Variants in CDH16 observed in about 807,000 individuals in gnomAD.
The protein encoded by CDH16 is cadherin 16.
In CDH16, 79 loss-of-function variants were observed where a neutral mutation model predicts 87.6. The ratio of observed to expected loss-of-function variants is 0.90; its 90% CI spans 0.75 to 1.09. The LOEUF (loss-of-function observed/expected upper bound fraction) is 1.09, where lower values mean the gene tolerates loss of function less well. Ranked by LOEUF, CDH16 falls within the 50% of genes least tolerant of loss-of-function variation. The pLI, the probability that CDH16 is intolerant of heterozygous loss-of-function variation, is 0.00. For synonymous variants in CDH16, 457 were observed against 439.5 expected (o/e 1.04, Z -0.50); for missense variants, 1,124 against 1,071.7 (o/e 1.05, Z -0.68).
Position 66,916,502 on chromosome 16 carries a change from TC to T in CDH16, c.130-74del. 1.4e-6 allele frequency: 2 copies of T among 1,468,286 alleles called. No homozygotes were observed. The highest frequency in any genetic ancestry group is 1.8e-6 in the Non-Finnish European group (2 of 1,103,386). 91.0% of individuals were successfully genotyped at this position (1,468,286 alleles called of 1,614,324 possible). Reference sequence around the variant, plus strand: ...GATGCCCCTCCTCCACCTGATGGCCTCATTTTACATGTGGGGAAACTGAGTC... The same window carrying T: ...GATGCCCCTCCTCCACCTGATGGCCTATTTTACATGTGGGGAAACTGAGTC... On this transcript the variant is annotated intron_variant, in intron 3 of 17. Transcript: ENST00000299752. The surrounding 1 kb of genome is among the most constrained non-coding windows in gnomAD (Gnocchi z 4.1).
chr16:66,911,188 C>A lies in CDH16; in HGVS notation c.1918G>T (p.Asp640Tyr). Residue 640 changes from aspartate to tyrosine, a missense_variant, in exon 14 of 18, where the codon GAT becomes TAT. Asp to Tyr is a radical substitution (Grantham distance 160). Transcript: ENST00000299752. ...CATCACTGCCTGGCCATACCTGTAT[C>A]CTGGGCCTCCACAAGCACCGTGTAG... Reference protein sequence around the residue: ...DTYTVLVEAQDTDEPRLSASA... With the variant: ...DTYTVLVEAQYTDEPRLSASA... 1.2e-6 allele frequency: 2 copies of A among 1,612,414 alleles called. No homozygotes were observed. Among genetic ancestry groups the A allele is most frequent in the South Asian group, 1.1e-5 (1 of 90,812 alleles).
At chr16:66,910,731 T>A (rs1962376600) in intron 14 of CDH16, 1 of 462,026 alleles carries the variant, frequency 2.2e-6, no homozygotes, top group Non-Finnish European at 3.6e-6. Context: ...CAGCTCAGAG[T>A]TGAAACCTGC....
At chr16:66,918,630 T>G (rs1962796102) in intron 1 of CDH16, among the ~76,000 whole-genome samples, 174 bp downstream of exon 1, 1 of 152,134 alleles carries the variant, frequency 6.6e-6, no homozygotes, top group South Asian at 2.1e-4. Context: ...GTCTCATCAT[T>G]TTCCAGCCCT....
Position 66,909,345 on chromosome 16 carries a change from G to A in CDH16, c.2314C>T (p.Arg772Cys), listed in dbSNP as rs781254169. Residue 772 changes from arginine (R) to cysteine (C), a missense_variant, in exon 17 of 18, where the codon CGC becomes TGC. By Grantham distance (180) the Arg-to-Cys change is radical. Coordinates refer to ENST00000299752, the MANE Select transcript of CDH16 (RefSeq NM_004062.4). This position sits in a 1 kb window ranked among gnomAD's most constrained non-coding sequence, Gnocchi z 4.1. ...CRCNVEGQCM[R>C]KVGRMKGMPT... is the part of the protein sequence containing the mutation. ...ATGCCCTTCATGCGGCCCACCTTGC[G>A]CATGCACTGCCCCTCCACGTTGCAG... 27 of 1,600,898 alleles carry A rather than the reference G, an allele frequency of 1.7e-5. No homozygotes were observed. The highest frequency in any genetic ancestry group is 1.6e-4 in the South Asian group (15 of 90,930).
chr16:66,911,822 C>T, intron 13 of CDH16, 77 bp downstream of exon 13: 3 of 1,472,918 alleles, frequency 2.0e-6, no homozygotes, highest in South Asian at 1.4e-5. Flanking sequence ...TAATGTGAGT[C>T]CCCTCTGAGG....
Position 66,912,784 on chromosome 16 carries a change from C to T in CDH16, c.1162G>A (p.Gly388Arg). Residue 388 changes from glycine (G) to arginine (R), a missense_variant, in exon 10 of 18, where the codon GGG (glycine) becomes AGG (arginine). Physicochemically the swap from Gly to Arg is moderately radical, Grantham distance 125. Transcript: ENST00000299752. ...GTGGGGTCCACCTGGAAGGCTCTCC[C>T]CTCTACCCCATCCTCAGGCTCAGGG... ...LSPEPEDGVE[G>R]RAFQVDPTSG... 6.2e-7 allele frequency: 1 copy of T among 1,613,724 alleles called. No homozygotes were observed. Among genetic ancestry groups the T allele is most frequent in the Non-Finnish European group, 8.5e-7 (1 of 1,180,014 alleles).
chr16:66,913,386 T>C (rs1183243795), intron 8 of CDH16, 105 bp from the exon 9 acceptor site: 6 of 1,571,076 alleles, frequency 3.8e-6, no homozygotes, highest in Non-Finnish European at 5.2e-6. Context: ...TTCGGGGCTC[T>C]TTCCCACTGC....
In CDH16 at chr16:66,908,344, TCAGATGGAGCCAGAGGCCAAGCTCC is replaced by T; in HGVS notation, c.*23_*47del. 2 of 1,490,920 alleles carry T rather than the reference TCAGATGGAGCCAGAGGCCAAGCTCC, an allele frequency of 1.3e-6. No individual in the cohort carries two copies. Among genetic ancestry groups the T allele is most frequent in the Non-Finnish European group, 1.9e-6 (2 of 1,071,216 alleles). 92.4% of individuals were successfully genotyped at this position (1,490,920 alleles called of 1,614,324 possible). ...GGTGCTGGGCTCTCTCCCAGGGGAC[TCAGATGGAGCCAGAGGCCAAGCTCC>T]CAGCTAGAGCTGCCTGGGCCATTCA... On this transcript the variant is annotated 3_prime_UTR_variant, in exon 18 of 18. Transcript: ENST00000299752.
intron 6 of CDH16, among the ~76,000 whole-genome samples, 182 bp downstream of exon 6, chr16:66,915,038 C>A (rs1421696507): frequency 6.6e-6 from 1 of 152,140 alleles, no homozygotes; most frequent in South Asian, 2.1e-4. Context: ...CACACCATTT[C>A]CTAGCTCTCC....
rs769137629 is a variant in CDH16 at position 66,913,558 on chromosome 16, G to A, written c.836C>T (p.Pro279Leu). ...GTTTCCCTCTGCATTCACTTCAAAG[G>A]GTCCCGGGGGATGGCTCTCCAGGTG... The part of the protein sequence containing the change: ...HYHLESHPPG[P>L]FEVNAEGNLY... Residue 279 changes from proline to leucine, a missense_variant, in exon 8 of 18, where the codon CCC becomes CTC. Physicochemically the swap from Pro to Leu is moderately conservative, Grantham distance 98. Coordinates refer to ENST00000299752, the MANE Select transcript of CDH16 (RefSeq NM_004062.4). The A allele has an allele frequency of 1.1e-5, 17 of 1,613,960 alleles. No homozygotes were observed. The East Asian group carries it at 3.6e-4, about 34-fold the overall frequency.
rs1195627827 is a variant in CDH16, at chr16:66,913,199, T to C, written c.986A>G (p.Glu329Gly). The stretch of plus-strand genomic sequence containing the variant: ...AGGGCAGATAGGCACGTTGTCATTC[T>C]CATCCATCACCAGCACGTGCAGCTC... ...PLELHVLVMD[E>G]NDNVPICPPR... The change falls in exon 9 of 18, where the codon GAG becomes GGG. Residue 329 changes from glutamate to glycine, a missense_variant. Glu to Gly is a moderately conservative substitution (Grantham distance 98, BLOSUM62 -2). Transcript: ENST00000299752. 1.9e-6 allele frequency: 3 copies of C among 1,602,892 alleles called. No individual in the cohort carries two copies. The Admixed American group carries it at 5.1e-5, about 28-fold the overall frequency.
chr16:66,911,906 T>C lies in CDH16; in HGVS notation c.1783A>G (p.Thr595Ala), dbSNP rs1365210187. 3.1e-6 allele frequency: 5 copies of C among 1,596,630 alleles called. No homozygotes were observed. The highest frequency in any genetic ancestry group is 3.4e-4 in the Middle Eastern group (2 of 5,962). ...TIQPSDPISR[T>A]LRFSLVNDSE... ...GCTGGGATTTTAGCTCACCTGAGGG[T>C]TCGGCTGATGGGGTCGGAGGGCTGG... is the stretch of plus-strand genomic sequence containing the variant. The change falls in exon 13 of 18, where the codon ACC becomes GCC. Residue 595 changes from threonine (T) to alanine (A), a missense_variant. Transcript: ENST00000299752.
chr16:66,911,880 G>A lies in CDH16; in HGVS notation c.1790+19C>T. ...CAGGGGCAATCCAGTCCAGGTAAGG[G>A]GCTGGGATTTTAGCTCACCTGAGGG... On this transcript the variant is annotated intron_variant, in intron 13 of 17. Coordinates refer to ENST00000299752, the MANE Select transcript of CDH16 (RefSeq NM_004062.4). 3 of 1,572,658 alleles carry A rather than the reference G, an allele frequency of 1.9e-6. No homozygotes were observed. Among genetic ancestry groups the A allele is most frequent in the Non-Finnish European group, 1.7e-6 (2 of 1,155,250 alleles).
Position 66,909,870 on chromosome 16 carries a change from G to T in CDH16, c.2275+116C>A. On this transcript the variant is annotated intron_variant, in intron 16 of 17. Coordinates refer to ENST00000299752, the MANE Select transcript of CDH16 (RefSeq NM_004062.4). The surrounding 1 kb of genome is among the most constrained non-coding windows in gnomAD (Gnocchi z 4.1). Reference sequence around the variant, plus strand: ...TGTGCCCAGCCATAGGTGTGCAAGTGTGCACAGGCATGTGCTGTCCACATG... The same window carrying T: ...TGTGCCCAGCCATAGGTGTGCAAGTTTGCACAGGCATGTGCTGTCCACATG... 4.1e-6 allele frequency: 3 copies of T among 735,156 alleles called. No homozygotes were observed. Among genetic ancestry groups the T allele is most frequent in the Non-Finnish European group, 7.0e-6 (3 of 431,124 alleles). The allele number at this position is 735,156 out of a possible 1,614,324, so 45.5% of individuals were successfully genotyped here.
rs1962696690 is a variant in CDH16 at position 66,916,627 on chromosome 16, A to T, written c.130-198T>A. On this transcript the variant is annotated intron_variant, in intron 3 of 17. Coordinates refer to ENST00000299752, the MANE Select transcript of CDH16 (RefSeq NM_004062.4). The surrounding 1 kb of genome is among the most constrained non-coding windows in gnomAD (Gnocchi z 4.1). ...TTTTCCCTGGACCTGATGCTCCCCAAAACTCTCTGCCCTTCTTTCTGAAGC... is the reference window on the plus strand; with the variant it reads ...TTTTCCCTGGACCTGATGCTCCCCATAACTCTCTGCCCTTCTTTCTGAAGC... Among the ~76,000 whole-genome samples, 1 of 152,118 alleles carries T rather than the reference A, an allele frequency of 6.6e-6. No homozygotes were observed. Among genetic ancestry groups the T allele is most frequent in the Admixed American group, 6.5e-5 (1 of 15,278 alleles).
Position 66,913,151 on chromosome 16 carries a change from A to C in CDH16, c.1034T>G (p.Ile345Ser). The C allele has an allele frequency of 1.9e-6, 3 of 1,609,810 alleles. No homozygotes were observed. Among genetic ancestry groups the C allele is most frequent in the Non-Finnish European group, 2.5e-6 (3 of 1,178,154 alleles). ...ICPPRDPTVS[I>S]PELSPPGTEV... ...CTCACCTGGTGGACTGAGCTCAGGG[A>C]TGCTGACTGTGGGGTCACGGGGAGG... The change falls in exon 9 of 18, where the codon ATC (isoleucine) becomes AGC (serine). Residue 345 changes from isoleucine (I) to serine (S), a missense_variant. By Grantham distance (142) the Ile-to-Ser change is moderately radical. Coordinates refer to ENST00000299752, the MANE Select transcript of CDH16 (RefSeq NM_004062.4).
Position 66,910,093 on chromosome 16 carries a change from C to T in CDH16, c.2168G>A (p.Gly723Asp), listed in dbSNP as rs142206322. ...GGCCAAGGTGAGGTAGGCATGGGAA[C>T]CTTTTGGGACAGCAGGCAAAGACCA... ...QRDWRLQTLN[G>D]SHAYLTLALH... Residue 723 changes from glycine to aspartate, a missense_variant and splice_region_variant, in exon 16 of 18, where the codon GGT becomes GAT. Transcript: ENST00000299752. 2.5e-6 allele frequency: 4 copies of T among 1,608,790 alleles called. No individual in the cohort carries two copies. The highest frequency in any genetic ancestry group is 2.2e-5 in the East Asian group (1 of 44,790).
intron 1 of CDH16, among the ~76,000 whole-genome samples, 157 bp from the exon 2 acceptor site, chr16:66,918,235 C>A (rs1962774989): frequency 6.6e-6 from 1 of 152,212 alleles, no homozygotes; most frequent in East Asian, 1.9e-4. Context: ...GTGCCCTGCT[C>A]CTCGGCCAGG....
Position 66,909,419 on chromosome 16 carries a change from G to T in CDH16, c.2276-36C>A. On this transcript the variant is annotated intron_variant, in intron 16 of 17. Coordinates refer to ENST00000299752, the MANE Select transcript of CDH16 (RefSeq NM_004062.4). This position sits in a 1 kb window ranked among gnomAD's most constrained non-coding sequence, Gnocchi z 4.1. ...AGGGGAGGAAGGTAAGGGGAGGGAG[G>T]GGAGGGCTCCCCAGCTGCTCAGAGC... 1.5e-6 allele frequency: 2 copies of T among 1,322,316 alleles called. No individual in the cohort carries two copies. The highest frequency in any genetic ancestry group is 2.4e-5 in the South Asian group (2 of 83,642). The allele number at this position is 1,322,316 out of a possible 1,614,324, so 81.9% of individuals were successfully genotyped here. A position where few individuals can be genotyped will look rare whatever the true frequency, so the allele number is the denominator to read the frequency against.
Sources: gnomAD v4.1 joint callset for allele counts (sites outside exome capture counted in the v4.1 genomes callset) on GRCh38, gnomAD v4.1.1 for gene constraint, Gnocchi (gnomAD v3.1) non-coding constraint, MANE v1.5 for transcripts, NCBI Gene and HGNC (gene_info 2026-07-23, HGNC 2026-07-21) for gene names.